Variants in KCNMA1 observed in about 807,000 individuals in gnomAD.
KCNMA1 encodes the protein potassium calcium-activated channel subfamily M alpha 1, also known as Calcium-activated potassium channel subunit alpha-1.
KCNMA1 carries 29 observed loss-of-function variants against 140.0 expected under a neutral mutation model. That is an observed-to-expected ratio of 0.21 (90% CI 0.15 to 0.28). KCNMA1 has a LOEUF of 0.28. Ranked by LOEUF, KCNMA1 falls within the 10% of genes least tolerant of loss-of-function variation. KCNMA1 has a pLI of 1.00. For missense variants in KCNMA1, 880 were observed against 1,602.2 expected, an observed-to-expected ratio of 0.55 and a Z score of 7.70; for synonymous variants, 612 against 611.9, an observed-to-expected ratio of 1.00 and a Z score of 0.00.
intron 1 of KCNMA1, among the ~76,000 whole-genome samples, chr10:77,424,550 A>G (rs1263770697): frequency 1.3e-5 from 2 of 152,042 alleles, no homozygotes; most frequent in African/African-American, 4.8e-5. Flanking sequence ...TCACCTGGGC[A>G]TCTCTGAGAG....
intron 16 of KCNMA1, among the ~76,000 whole-genome samples, chr10:77,021,695 T>C (rs2092875869): frequency 6.6e-6 from 1 of 152,230 alleles, no homozygotes; most frequent in African/African-American, 2.4e-5. Flanking sequence ...TCACAGATCA[T>C]GTGGATTCCA....
At chr10:77,319,771 G>A (rs1175766962) in intron 2 of KCNMA1, among the ~76,000 whole-genome samples, 1 of 152,194 alleles carries the variant, frequency 6.6e-6, no homozygotes, top group African/African-American at 2.4e-5. Flanking sequence ...AGACGGTGCT[G>A]GAAGCAAAGA....
intron 2 of KCNMA1, among the ~76,000 whole-genome samples, chr10:77,282,088 T>G (rs2068817417): frequency 1.3e-5 from 2 of 152,216 alleles, no homozygotes; most frequent in Admixed American, 1.3e-4. Flanking sequence ...TAAAACATGC[T>G]CTTAGCAAAT....
chr10:77,625,461 T>C (rs1445155056), intron 1 of KCNMA1, among the ~76,000 whole-genome samples: 1 of 152,162 alleles, frequency 6.6e-6, no homozygotes, highest in Non-Finnish European at 1.5e-5. Flanking sequence ...TTGTTGTGCA[T>C]CCCATCTCCA....
rs528393154 is a variant in KCNMA1, at chr10:77,228,121, C to T, written c.602+23074G>A. ...CTGGGATTACAGGCACGTGCCACCA[C>T]GCCTGGCTAATTTTTATATTTTTCG... On this transcript the variant is annotated intron_variant, in intron 3 of 27. Transcript: ENST00000286628. 1.4e-3 allele frequency among the ~76,000 whole-genome samples: 211 copies of T among 152,048 alleles called. 2 individuals carry two copies. The highest frequency in any genetic ancestry group is 4.5e-3 in the African/African-American group (188 of 41,486).
chr10:76,886,187 T>C lies in KCNMA1; in HGVS notation c.*1079A>G. The C allele has an allele frequency of 5.1e-6, 5 of 985,450 alleles. No individual in the cohort carries two copies. Among genetic ancestry groups the C allele is most frequent in the Non-Finnish European group, 6.0e-6 (5 of 829,936 alleles). The allele number at this position is 985,450 out of a possible 1,614,324, so 61.0% of individuals were successfully genotyped here. ...AGCTGGGTTTGTCTTCCTCTCACTC[T>C]ACCATTGCCCCAGCCCTTCCTCCTA... On this transcript the variant is annotated 3_prime_UTR_variant, in exon 28 of 28. Coordinates refer to ENST00000286628, the MANE Select transcript of KCNMA1 (RefSeq NM_001161352.2).
At chr10:77,607,628 T>A (rs1222637790) in intron 1 of KCNMA1, among the ~76,000 whole-genome samples, 1 of 152,048 alleles carries the variant, frequency 6.6e-6, no homozygotes, top group Non-Finnish European at 1.5e-5. Flanking sequence ...GCAATGTGCT[T>A]TGGATACGGA....
At chr10:77,364,606 T>TA (rs1455004277) in intron 2 of KCNMA1, among the ~76,000 whole-genome samples, 1 of 152,198 alleles carries the variant, frequency 6.6e-6, no homozygotes, top group African/African-American at 2.4e-5. Context: ...TAAGTAACCT[T>TA]ATAAGTCATA....
intron 9 of KCNMA1, among the ~76,000 whole-genome samples, chr10:77,094,605 G>A (rs778100678): frequency 5.9e-5 from 9 of 152,166 alleles, no homozygotes; most frequent in South Asian, 2.1e-4. Flanking sequence ...AAGTTCCACC[G>A]GTCAGGAACT....
chr10:77,516,172 G>A (rs1176519619), intron 1 of KCNMA1, among the ~76,000 whole-genome samples: 1 of 152,038 alleles, frequency 6.6e-6, no homozygotes, highest in Non-Finnish European at 1.5e-5. Flanking sequence ...TCCCCATCAT[G>A]TAGAGTACCC....
At chr10:77,335,506 C>A (rs1002797491) in intron 2 of KCNMA1, among the ~76,000 whole-genome samples, 14 of 152,200 alleles carry the variant, frequency 9.2e-5, no homozygotes, top group Admixed American at 3.3e-4. Flanking sequence ...AGTATACACT[C>A]CCAGATTCTG....
At chr10:77,204,857 C>G (rs2043568607) in intron 3 of KCNMA1, among the ~76,000 whole-genome samples, 1 of 152,126 alleles carries the variant, frequency 6.6e-6, no homozygotes, top group Admixed American at 6.5e-5. Flanking sequence ...AATGAAAGAC[C>G]CCACGGGTGA....
At chr10:77,025,539 A>C in intron 16 of KCNMA1, 1 of 1,165,518 alleles carries the variant, frequency 8.6e-7, no homozygotes, top group Non-Finnish European at 1.3e-6. Flanking sequence ...AAGGAATAAA[A>C]CCTTTGTTTC....
intron 1 of KCNMA1, among the ~76,000 whole-genome samples, chr10:77,525,355 C>A (rs775364350): frequency 6.6e-6 from 1 of 152,166 alleles, no homozygotes; most frequent in Admixed American, 6.5e-5. Flanking sequence ...CTTCCAGATG[C>A]CTTGAGGCTT....
intron 26 of KCNMA1, among the ~76,000 whole-genome samples, chr10:76,890,391 T>C (rs2039441379): frequency 6.6e-6 from 1 of 152,186 alleles, no homozygotes; most frequent in African/African-American, 2.4e-5. Flanking sequence ...GGAATTCTCA[T>C]ATTGGTCTCA....
chr10:76,974,469 G>A, intron 19 of KCNMA1: 2 of 1,463,818 alleles, frequency 1.4e-6, no homozygotes, highest in East Asian at 4.9e-5. Context: ...ATGGGAATGG[G>A]TCCCAGTCTT....
chr10:77,379,814 C>T (rs543756762), intron 2 of KCNMA1, among the ~76,000 whole-genome samples: 1 of 152,218 alleles, frequency 6.6e-6, no homozygotes, highest in South Asian at 2.1e-4. Flanking sequence ...CATAATGCTG[C>T]ACTGTATTAT....
At chr10:77,247,235 T>C (rs2058734345) in intron 3 of KCNMA1, among the ~76,000 whole-genome samples, 1 of 152,200 alleles carries the variant, frequency 6.6e-6, no homozygotes, top group South Asian at 2.1e-4. Flanking sequence ...TTTCCCAGAA[T>C]GCCCCTGGTG....
intron 2 of KCNMA1, among the ~76,000 whole-genome samples, chr10:77,281,065 A>ATC (rs1265285419): frequency 6.6e-6 from 1 of 152,084 alleles, no homozygotes; most frequent in Non-Finnish European, 1.5e-5. Context: ...AGGGGTGTAG[A>ATC]TCTCCGAACA....
Sources: allele counts gnomAD v4.1 joint callset (sites outside exome capture counted in the v4.1 genomes callset), GRCh38; gene constraint gnomAD v4.1.1; transcripts MANE v1.5; gene names NCBI Gene and HGNC (gene_info 2026-07-23, HGNC 2026-07-21).